Variants in TMEM130 observed in about 807,000 individuals in gnomAD.
The protein encoded by TMEM130 is transmembrane protein 130.
Under a neutral mutation model 42.9 loss-of-function variants are expected in TMEM130, and 37 were observed. That is an observed-to-expected ratio of 0.86 (90% confidence interval 0.66 to 1.13). The LOEUF (loss-of-function observed/expected upper bound fraction) is 1.13. TMEM130 is among the 50% of genes most tolerant of loss of function. TMEM130 has a pLI of 0.00. For synonymous variants in TMEM130, 259 were observed against 237.7 expected, an observed-to-expected ratio of 1.09 and a Z score of -0.82; for missense variants, 545 against 562.6, an observed-to-expected ratio of 0.97 and a Z score of 0.32.
Position 98,846,852 on chromosome 7 carries a change from A to T in TMEM130, c.*1204T>A, listed in dbSNP as rs535771064. 3 of 144,628 alleles carry T rather than the reference A, an allele frequency of 2.1e-5. No homozygotes were observed. The highest frequency in any genetic ancestry group is 5.1e-5 in the African/African-American group (2 of 39,470). 9.0% of individuals were successfully genotyped at this position (144,628 alleles called of 1,614,324 possible). ...GGGAACCCAAGTCCCTGCTGACTCA[A>T]CCTCTTCTTTTTTTTTTTTTGGAGA... On this transcript the variant is annotated 3_prime_UTR_variant, in exon 8 of 8. Transcript: ENST00000339375.
At position 98,869,758 on chromosome 7, in the gene TMEM130, G is replaced by A. The variant is rs535776182; in HGVS notation, c.85+19C>T. ...GGCGGGCTGCGGCTGCAGGGAGGCC[G>A]GATTGCCCAGCGCCTTACCTGCGGC... On this transcript the variant is annotated intron_variant, in intron 1 of 7. Transcript: ENST00000339375. The surrounding 1 kb of genome is among the most constrained non-coding windows in gnomAD (Gnocchi z 4.7). 11 of 1,365,224 alleles carry A rather than the reference G, an allele frequency of 8.1e-6. No homozygotes were observed. The highest frequency in any genetic ancestry group is 1.7e-5 in the South Asian group (1 of 58,404). The allele number at this position is 1,365,224 out of a possible 1,614,324, so 84.6% of individuals were successfully genotyped here. A position where few individuals can be genotyped will look rare whatever the true frequency, so the allele number is the denominator to read the frequency against.
rs782243837 is a variant in TMEM130 at position 98,851,624 on chromosome 7, C to T, written c.804-1G>A. Reference sequence around the variant, plus strand: ...ACGCCAGCACACAGTCAGAGGAGGGCTGCAGGGAAATGGGGGCGGTTTTTA... The same window carrying T: ...ACGCCAGCACACAGTCAGAGGAGGGTTGCAGGGAAATGGGGGCGGTTTTTA... On this transcript the variant is annotated splice_acceptor_variant, in intron 5 of 7. Transcript: ENST00000339375. LOFTEE classifies it high-confidence loss of function. 14 of 1,607,018 alleles carry T rather than the reference C, an allele frequency of 8.7e-6. No homozygotes were observed. In the South Asian group the frequency reaches 1.4e-4, roughly 16 times the overall value.
At chr7:98,862,480 A>G (rs1450347508) in intron 2 of TMEM130, among the ~76,000 whole-genome samples, 1 of 143,346 alleles carries the variant, frequency 7.0e-6, no homozygotes, top group Non-Finnish European at 1.5e-5. Flanking sequence ...CAAGACTACA[A>G]TAATTTCTTT....
intron 7 of TMEM130, 23 bp downstream of exon 7, chr7:98,848,560 C>T (rs782720803): frequency 6.6e-7 from 1 of 1,509,626 alleles, no homozygotes; most frequent in Non-Finnish European, 9.2e-7. Flanking sequence ...AGTAGTCCAG[C>T]CCCCACCCCA....
chr7:98,865,699 A>T, intron 1 of TMEM130: 1 of 152,214 alleles, frequency 6.6e-6, no homozygotes, highest in East Asian at 1.9e-4. Flanking sequence ...ACAAATTTTC[A>T]TTAGATCCCT....
chr7:98,868,484 T>A (rs1255027368), intron 1 of TMEM130, among the ~76,000 whole-genome samples: 1 of 152,172 alleles, frequency 6.6e-6, no homozygotes, highest in Non-Finnish European at 1.5e-5. Context: ...TCACACAGAA[T>A]ATGCAGACTA....
chr7:98,848,380 A>G (rs1287532671), intron 7 of TMEM130, 172 bp from the exon 8 acceptor site: 9 of 825,196 alleles, frequency 1.1e-5, no homozygotes, highest in African/African-American at 6.9e-5. Context: ...AGAGATGGAT[A>G]TAGGAGATAA....
rs1216845983 is a variant in TMEM130, at chr7:98,870,008, A to T, written c.-147T>A. The T allele has an allele frequency of 9.7e-6, 4 of 414,070 alleles. No individual in the cohort carries two copies. The highest frequency in any genetic ancestry group is 9.7e-5 in the Admixed American group (2 of 20,650). The allele number at this position is 414,070 out of a possible 1,614,324, so 25.6% of individuals were successfully genotyped here. ...CGTGCTCGCTCGTCCTCGCCGGGGGACGCTCTGTCGCTGCGCGCCGCCGCC... is the reference window on the plus strand; with the variant it reads ...CGTGCTCGCTCGTCCTCGCCGGGGGTCGCTCTGTCGCTGCGCGCCGCCGCC... On this transcript the variant is annotated 5_prime_UTR_variant, in exon 1 of 8. Transcript: ENST00000339375.
At chr7:98,853,344 C>T (rs529179428) in intron 5 of TMEM130, among the ~76,000 whole-genome samples, 6 of 152,146 alleles carry the variant, frequency 3.9e-5, no homozygotes, top group African/African-American at 9.6e-5. Context: ...CCTTCAAGGG[C>T]GGGTCGGGCA....
intron 3 of TMEM130, 111 bp downstream of exon 3, chr7:98,860,068 C>CAAAAAAA: frequency 2.4e-6 from 2 of 828,380 alleles, no homozygotes; most frequent in Non-Finnish European, 3.2e-6. Flanking sequence ...GACTGCATCT[C>CAAAAAAA]AAAAAAAAAA....
intron 6 of TMEM130, 63 bp from the exon 7 acceptor site, chr7:98,848,758 G>A: frequency 8.7e-7 from 1 of 1,144,948 alleles, no homozygotes; most frequent in Non-Finnish European, 1.3e-6. Context: ...TGGTTCTCAG[G>A]AAGCAAGCAC....
In TMEM130 at chr7:98,851,451, G is replaced by A; in HGVS notation, c.976C>T (p.Gln326Ter). ...GGCCACACCTGGATCTTGTGGTACT[G>A]ATGTGTCTTGCTGATGATATTCTCG... ...RAENIISKTH[Q>*]YHKIQVWPSR... Residue 326 changes from glutamine to a stop codon, truncating the protein, a stop_gained, in exon 6 of 8, where the codon CAG (glutamine) becomes TAG (stop). Coordinates refer to ENST00000339375, the MANE Select transcript of TMEM130 (RefSeq NM_152913.3). LOFTEE classifies it high-confidence loss of function. 6.2e-7 allele frequency: 1 copy of A among 1,614,124 alleles called. No individual in the cohort carries two copies. The highest frequency in any genetic ancestry group is 8.5e-7 in the Non-Finnish European group (1 of 1,180,026).
Position 98,869,650 on chromosome 7 carries a change from G to T in TMEM130, c.85+127C>A. The stretch of plus-strand genomic sequence containing the variant: ...GCTGCAGTGGCCTCAGCCGAGGAGG[G>T]AGATGCGCGCAGGGCGCACGGTGCC... On this transcript the variant is annotated intron_variant, in intron 1 of 7. Transcript: ENST00000339375. The surrounding 1 kb of genome is among the most constrained non-coding windows in gnomAD (Gnocchi z 4.7). The T allele has an allele frequency of 2.8e-6, 2 of 717,152 alleles. No individual in the cohort carries two copies. Among genetic ancestry groups the T allele is most frequent in the South Asian group, 3.2e-5 (1 of 31,026 alleles). 44.4% of individuals were successfully genotyped at this position (717,152 alleles called of 1,614,324 possible).
chr7:98,851,556 G>T lies in TMEM130; in HGVS notation c.871C>A (p.Pro291Thr). The change falls in exon 6 of 8, where the codon CCT (proline) becomes ACT (threonine). Residue 291 changes from proline (P) to threonine (T), a missense_variant. Physicochemically the swap from Pro to Thr is conservative, Grantham distance 38. Transcript: ENST00000339375. ...TACGCTGTGCTGGCCACGGACACAG[G>T]GTGGCACTCCCCTTCCTCCAGCGGG... ...CLPLEEGECH[P>T]VSVASTAYNL... 6.2e-7 allele frequency: 1 copy of T among 1,614,054 alleles called. No homozygotes were observed.
In TMEM130 at chr7:98,869,834, C is replaced by G. The variant is rs1554401108; in HGVS notation, c.28G>C (p.Gly10Arg). The change falls in exon 1 of 8, where the codon GGC (glycine) becomes CGC (arginine). Residue 10 changes from glycine (G) to arginine (R), a missense_variant. By Grantham distance (125) the Gly-to-Arg change is moderately radical (BLOSUM62 -2). Coordinates refer to ENST00000339375, the MANE Select transcript of TMEM130 (RefSeq NM_152913.3). The surrounding 1 kb of genome is among the most constrained non-coding windows in gnomAD (Gnocchi z 4.7). ...AGGCAGGCAAGCCAGAGGATGCGGC[C>G]GAGGCGCGACCACACTGCCTGGGCC... MAQAVWSRL[G>R]RILWLACLLP... 6.9e-7 allele frequency: 1 copy of G among 1,445,152 alleles called. No individual in the cohort carries two copies. The allele number at this position is 1,445,152 out of a possible 1,614,324, so 89.5% of individuals were successfully genotyped here.
At chr7:98,855,165 C>T in intron 5 of TMEM130, 75 bp downstream of exon 5, 1 of 1,360,766 alleles carries the variant, frequency 7.3e-7, no homozygotes, top group Non-Finnish European at 1.0e-6. Context: ...CAGAGCAGAA[C>T]AGACTTGGGG....
At chr7:98,855,161 A>C in intron 5 of TMEM130, 79 bp downstream of exon 5, 1 of 1,313,328 alleles carries the variant, frequency 7.6e-7, no homozygotes, top group Non-Finnish European at 1.1e-6. Flanking sequence ...GTCACAGAGC[A>C]GAACAGACTT....
In TMEM130 at chr7:98,856,003, G is replaced by A. The variant is rs1282906141; in HGVS notation, c.718+14C>T. 2 of 1,610,774 alleles carry A rather than the reference G, an allele frequency of 1.2e-6. No individual in the cohort carries two copies. Among genetic ancestry groups the A allele is most frequent in the Non-Finnish European group, 1.7e-6 (2 of 1,179,756 alleles). On this transcript the variant is annotated intron_variant, in intron 4 of 7. Coordinates refer to ENST00000339375, the MANE Select transcript of TMEM130 (RefSeq NM_152913.3). ...TGGAACGCCCAGACTGCATCAGCCT[G>A]CCTGGACACCCACCCTGCAGCTTCA...
Position 98,863,420 on chromosome 7 carries a change from G to A in TMEM130, c.86-20C>T, listed in dbSNP as rs1554400184. ...ACAGGCCTAGGAGCCCAGAAACAAA[G>A]ACTGTGTTTCAGAATGGTGTGTGGC... On this transcript the variant is annotated intron_variant, in intron 1 of 7. Transcript: ENST00000339375. 2 of 1,549,974 alleles carry A rather than the reference G, an allele frequency of 1.3e-6. No individual in the cohort carries two copies. Among genetic ancestry groups the A allele is most frequent in the African/African-American group, 2.7e-5 (2 of 74,086 alleles).
Sources: allele counts gnomAD v4.1 joint callset (sites outside exome capture counted in the v4.1 genomes callset), GRCh38; gene constraint gnomAD v4.1.1; non-coding constraint Gnocchi (gnomAD v3.1); transcripts MANE v1.5; gene names NCBI Gene and HGNC (gene_info 2026-07-23, HGNC 2026-07-21).